The following DCBLD2 variants were observed in gnomAD, a reference collection of about 807,000 sequenced individuals.
DCBLD2 encodes discoidin, CUB and LCCL domain containing 2.
In DCBLD2, 54 loss-of-function variants were observed where a neutral mutation model predicts 86.8. The observed-to-expected ratio is 0.62, with a 90% CI of 0.50 to 0.78. The LOEUF (loss-of-function observed/expected upper bound fraction) is 0.78. DCBLD2 is among the 30% of genes least tolerant of loss of function. The pLI is 0.00. For missense variants in DCBLD2, 908 were observed against 954.2 expected, an observed-to-expected ratio of 0.95 and a Z score of 0.64; for synonymous variants, 354 against 341.3, an observed-to-expected ratio of 1.04 and a Z score of -0.41.
chr3:98,825,664 TA>T, intron 3 of DCBLD2, among the ~76,000 whole-genome samples: 1 of 124,664 alleles, frequency 8.0e-6, no homozygotes, highest in African/African-American at 2.9e-5. Context: ...TATATATATA[TA>T]TATATATATA....
intron 3 of DCBLD2, among the ~76,000 whole-genome samples, chr3:98,846,964 A>C (rs1942737672): frequency 6.6e-6 from 1 of 152,204 alleles, no homozygotes; most frequent in African/African-American, 2.4e-5. Flanking sequence ...CAAAATAAAT[A>C]ATTTAACCTG....
intron 2 of DCBLD2, among the ~76,000 whole-genome samples, chr3:98,854,033 AC>A (rs1008990476): frequency 8.5e-5 from 13 of 152,192 alleles, no homozygotes; most frequent in African/African-American, 3.1e-4. Flanking sequence ...AGTCTCAAAA[AC>A]AAAATTTGGA....
chr3:98,864,058 CT>C (rs1467525152), intron 2 of DCBLD2, among the ~76,000 whole-genome samples: 1 of 152,222 alleles, frequency 6.6e-6, no homozygotes, highest in African/African-American at 2.4e-5. Context: ...TGAACAGACA[CT>C]TCTCAAAAGA....
intron 9 of DCBLD2, 106 bp downstream of exon 9, chr3:98,817,663 T>G: frequency 9.1e-7 from 1 of 1,101,834 alleles, no homozygotes; most frequent in Non-Finnish European, 1.3e-6. Context: ...GAGGGTAGTA[T>G]AAGACATTCT....
At chr3:98,862,936 T>C (rs958837024) in intron 2 of DCBLD2, among the ~76,000 whole-genome samples, 6 of 152,216 alleles carry the variant, frequency 3.9e-5, no homozygotes, top group Admixed American at 3.3e-4. Flanking sequence ...AAATTGTCCC[T>C]GTTTGCAGAT....
At chr3:98,867,315 G>A (rs1340287418) in intron 2 of DCBLD2, among the ~76,000 whole-genome samples, 3 of 152,144 alleles carry the variant, frequency 2.0e-5, no homozygotes, top group Non-Finnish European at 2.9e-5. Context: ...CCATTTTCAC[G>A]ATATTGATTC....
chr3:98,811,546 G>T lies in DCBLD2; in HGVS notation c.1372C>A (p.Pro458Thr). 6.4e-7 allele frequency: 1 copy of T among 1,566,914 alleles called. No individual in the cohort carries two copies. Among genetic ancestry groups the T allele is most frequent in the African/African-American group, 1.4e-5 (1 of 72,552 alleles). Residue 458 changes from proline (P) to threonine (T), a missense_variant, in exon 11 of 16, where the codon CCA becomes ACA. This residue lies in a region of DCBLD2 where 606 missense variants were observed against 678.5 expected (regional missense o/e 0.89). Transcript: ENST00000326840. ...GCQFIPKGRP[P>T]KLTQPPPPRN... is the part of the protein sequence containing the mutation. ...GGAGGTGGAGGTTGAGTAAGTTTTG[G>T]AGGACGACCTTGAAAAATGGTTTAG...
chr3:98,890,740 C>T (rs1312918271), intron 1 of DCBLD2, among the ~76,000 whole-genome samples: 1 of 152,060 alleles, frequency 6.6e-6, no homozygotes, highest in Non-Finnish European at 1.5e-5. Flanking sequence ...AACCCTCCAA[C>T]TGCATCTCGC....
chr3:98,830,835 C>T (rs1206592995), intron 3 of DCBLD2, among the ~76,000 whole-genome samples: 3 of 152,264 alleles, frequency 2.0e-5, no homozygotes, highest in African/African-American at 7.2e-5. Context: ...GACAGAATGG[C>T]CATTTTTATG....
intron 15 of DCBLD2, among the ~76,000 whole-genome samples, chr3:98,800,326 C>T (rs1941695728): frequency 6.6e-6 from 1 of 152,212 alleles, no homozygotes; most frequent in African/African-American, 2.4e-5. Flanking sequence ...TCGGGTCTCC[C>T]CACAAGCCTC....
chr3:98,812,977 T>C (rs1050121503), intron 9 of DCBLD2: 3 of 152,378 alleles, frequency 2.0e-5, no homozygotes, highest in Admixed American at 1.3e-4. Context: ...ATATAACAGA[T>C]ATATACCTCC....
chr3:98,892,229 C>G (rs1943674133), intron 1 of DCBLD2, among the ~76,000 whole-genome samples: 1 of 152,100 alleles, frequency 6.6e-6, no homozygotes, highest in African/African-American at 2.4e-5. Flanking sequence ...GCAACTACCT[C>G]ACGGATGAGG....
chr3:98,817,819 C>A lies in DCBLD2; in HGVS notation c.1162G>T (p.Asp388Tyr). ...VSAYRILYSD[D>Y]GQKWTVYREP... is the part of the protein sequence containing the mutation. ...CTGTACACAGTCCATTTCTGCCCAT[C>A]ATCACTGTACAGGATTCTGTAGGCA... is the stretch of plus-strand genomic sequence containing the variant. The change falls in exon 9 of 16, where the codon GAT becomes TAT. Residue 388 changes from aspartate to tyrosine, a missense_variant. Asp to Tyr is a radical substitution (Grantham distance 160). Transcript: ENST00000326840. 1 of 1,613,718 alleles carries A rather than the reference C, an allele frequency of 6.2e-7. No individual in the cohort carries two copies. Among genetic ancestry groups the A allele is most frequent in the Non-Finnish European group, 8.5e-7 (1 of 1,179,708 alleles).
Position 98,799,315 on chromosome 3 carries a change from T to TAGGG in DCBLD2, c.*56_*57insCCCT, listed in dbSNP as rs1941669990. Reference sequence around the variant, plus strand: ...TTCTATATATTACTACCACTAATAATTAAAAAAAAAAGGCCATGTGCTTTA... The same window carrying TAGGG: ...TTCTATATATTACTACCACTAATAATAGGGTAAAAAAAAAAGGCCATGTGCTTTA... On this transcript the variant is annotated 3_prime_UTR_variant, in exon 16 of 16. Transcript: ENST00000326840. 8.2e-7 allele frequency: 1 copy of TAGGG among 1,221,130 alleles called. No individual in the cohort carries two copies. Among genetic ancestry groups the TAGGG allele is most frequent in the African/African-American group, 2.8e-5 (1 of 35,496 alleles). 75.6% of individuals were successfully genotyped at this position (1,221,130 alleles called of 1,614,324 possible). A position where few individuals can be genotyped will look rare whatever the true frequency, so the allele number is the denominator to read the frequency against.
Position 98,801,615 on chromosome 3 carries a change from A to G in DCBLD2, c.1705T>C (p.Tyr569His). The G allele has an allele frequency of 6.2e-7, 1 of 1,610,286 alleles. No homozygotes were observed. Among genetic ancestry groups the G allele is most frequent in the Non-Finnish European group, 8.5e-7 (1 of 1,178,166 alleles). The change falls in exon 14 of 16, where the codon TAC becomes CAC. Residue 569 changes from tyrosine (Y) to histidine (H), a missense_variant. Transcript: ENST00000326840. ...CGTGAGTTACCTGCCCGGTCCCAGT[A>G]AGGTAAGTCATAGGTGCCTTCAGTT... ...KKTEGTYDLPYWDRAGWWKGM... is the reference protein window; with the variant it reads ...KKTEGTYDLPHWDRAGWWKGM...
intron 2 of DCBLD2, among the ~76,000 whole-genome samples, chr3:98,850,725 T>C (rs1942819422): frequency 6.6e-6 from 1 of 152,160 alleles, no homozygotes; most frequent in Non-Finnish European, 1.5e-5. Flanking sequence ...TTATGAGTAG[T>C]GAATTCTAAG....
At chr3:98,870,738 AAAGAAAG>A (rs1306075325) in intron 2 of DCBLD2, among the ~76,000 whole-genome samples, 1 of 13,314 alleles carries the variant, frequency 7.5e-5, no homozygotes, top group African/African-American at 2.6e-4. Context: ...AAAGAAAGAA[AAAGAAAG>A]AAAGAAAGAA....
intron 2 of DCBLD2, among the ~76,000 whole-genome samples, chr3:98,865,817 G>T (rs1026921950): frequency 1.3e-5 from 2 of 151,666 alleles, no homozygotes; most frequent in Admixed American, 6.6e-5. Flanking sequence ...CCATTAACTC[G>T]TCATTTACAT....
intron 3 of DCBLD2, among the ~76,000 whole-genome samples, chr3:98,845,729 A>G (rs1489436851): frequency 1.3e-5 from 2 of 151,664 alleles, no homozygotes; most frequent in African/African-American, 4.8e-5. Flanking sequence ...AATGAAGCCT[A>G]CTCTCCCCCA....
Sources: gnomAD v4.1 joint callset for allele counts (sites outside exome capture counted in the v4.1 genomes callset) on GRCh38, gnomAD v4.1.1 for gene constraint, gnomAD v4.1.1 regional missense constraint, MANE v1.5 for transcripts, NCBI Gene and HGNC (gene_info 2026-07-23, HGNC 2026-07-21) for gene names.